PSMA5: variants seen among roughly 807,000 people sequenced by gnomAD.
PSMA5 encodes proteasome 20S subunit alpha 5, also known as proteasome subunit alpha type-5.
PSMA5 carries 3 observed loss-of-function variants against 34.5 expected under a neutral mutation model. The observed-to-expected ratio is 0.09, with a 90% confidence interval of 0.04 to 0.22. PSMA5 has a LOEUF of 0.22. PSMA5 is among the 10% of genes least tolerant of loss of function. The pLI is 1.00. For synonymous variants in PSMA5, 88 were observed against 95.8 expected (o/e 0.92, Z 0.47); for missense variants, 120 against 286.1 (o/e 0.42, Z 4.19).
intron 5 of PSMA5, 30 bp from the exon 6 acceptor site, chr1:109,411,965 T>C: frequency 6.3e-7 from 1 of 1,597,616 alleles, no homozygotes; most frequent in Non-Finnish European, 8.6e-7. Context: ...GATATTAAGA[T>C]AAATGGCTAT....
intron 5 of PSMA5, 41 bp downstream of exon 5, chr1:109,412,036 C>T: frequency 6.3e-7 from 1 of 1,594,582 alleles, no homozygotes; most frequent in Non-Finnish European, 8.6e-7. Flanking sequence ...TCCTAAGTCC[C>T]ATAGAACAAT....
At chr1:109,404,569 G>A (rs1005841985) in intron 8 of PSMA5, among the ~76,000 whole-genome samples, 3 of 152,070 alleles carry the variant, frequency 2.0e-5, no homozygotes, top group South Asian at 2.1e-4. Context: ...TAATAATAGC[G>A]TCTGAGCCAA....
chr1:109,403,121 T>C (rs1221819530), intron 8 of PSMA5, among the ~76,000 whole-genome samples: 1 of 152,192 alleles, frequency 6.6e-6, no homozygotes, highest in Non-Finnish European at 1.5e-5. Flanking sequence ...TATATTTACA[T>C]TTAAAAGCAA....
intron 6 of PSMA5, 54 bp downstream of exon 6, chr1:109,411,823 A>G (rs915733589): frequency 8.0e-5 from 122 of 1,529,434 alleles, no homozygotes; most frequent in Non-Finnish European, 9.9e-5. Flanking sequence ...CTCCACCCCA[A>G]ATTAAAATAA....
chr1:109,420,287 A>T (rs1654388354), intron 2 of PSMA5, among the ~76,000 whole-genome samples: 1 of 152,142 alleles, frequency 6.6e-6, no homozygotes, highest in Non-Finnish European at 1.5e-5. Flanking sequence ...ACCTCAGAAG[A>T]CAATTGTGTG....
At chr1:109,409,677 G>A (rs116359215) in intron 8 of PSMA5, among the ~76,000 whole-genome samples, 135 of 152,268 alleles carry the variant, frequency 8.9e-4, no homozygotes, top group African/African-American at 3.1e-3. Flanking sequence ...TACTCAGTAG[G>A]CTGAGGCAGG....
At chr1:109,412,820 A>G (rs1259187358) in intron 4 of PSMA5, 3 of 396,512 alleles carry the variant, frequency 7.6e-6, no homozygotes, top group African/African-American at 2.1e-5. Flanking sequence ...TGCTTTATAT[A>G]TAGGCAAAGC....
intron 8 of PSMA5, among the ~76,000 whole-genome samples, chr1:109,404,698 C>CAA (rs1440706491): frequency 6.6e-6 from 1 of 152,114 alleles, no homozygotes; most frequent in African/African-American, 2.4e-5. Context: ...ATCTCACTTT[C>CAA]AAAAAACATC....
chr1:109,417,391 G>C (rs944542051), intron 2 of PSMA5, among the ~76,000 whole-genome samples: 72 of 152,152 alleles, frequency 4.7e-4, no homozygotes, highest in African/African-American at 1.7e-3. Context: ...AAAAGGAAAT[G>C]GTGGCAACAA....
intron 2 of PSMA5, among the ~76,000 whole-genome samples, chr1:109,415,884 A>G (rs1464860381): frequency 1.3e-5 from 2 of 152,134 alleles, no homozygotes; most frequent in Non-Finnish European, 2.9e-5. Context: ...AAAAAGTAAT[A>G]AAGGAAGGTA....
chr1:109,417,035 G>A (rs1654235487), intron 2 of PSMA5, among the ~76,000 whole-genome samples: 1 of 152,172 alleles, frequency 6.6e-6, no homozygotes, highest in Admixed American at 6.5e-5. Context: ...AGCCCGGGAG[G>A]CAGAGGTTGT....
intron 2 of PSMA5, among the ~76,000 whole-genome samples, chr1:109,416,932 C>G (rs1192373925): frequency 6.6e-6 from 1 of 152,108 alleles, no homozygotes; most frequent in Non-Finnish European, 1.5e-5. Context: ...TGGTGAAACC[C>G]TGTTTCTATA....
chr1:109,422,309 A>G (rs1654474933), intron 1 of PSMA5, among the ~76,000 whole-genome samples: 1 of 152,110 alleles, frequency 6.6e-6, no homozygotes, highest in Non-Finnish European at 1.5e-5. Context: ...TCCTCTTCCC[A>G]TAACATGCAT....
chr1:109,420,935 C>CT (rs1654412532), intron 2 of PSMA5, among the ~76,000 whole-genome samples: 1 of 150,464 alleles, frequency 6.6e-6, no homozygotes. Flanking sequence ...AATCCCAACA[C>CT]TTTGAGAGGC....
chr1:109,409,940 T>G lies in PSMA5; in HGVS notation c.636A>C (p.Ala212=). ...AAACAGAAAGTACCTCAATGTTTGT[T>G]GCATTCAGCTTCTCCTCCATTACTT... The part of the protein sequence containing the change: ...LKQVMEEKLN[A]TNIELATVQP... Residue 212 remains alanine, a synonymous_variant, in exon 8 of 9, where the codon GCA becomes GCC. Transcript: ENST00000271308. 6.2e-7 allele frequency: 1 copy of G among 1,602,250 alleles called. No homozygotes were observed. Among genetic ancestry groups the G allele is most frequent in the East Asian group, 2.2e-5 (1 of 44,812 alleles).
intron 4 of PSMA5, 150 bp downstream of exon 4, chr1:109,412,918 G>C (rs1654056048): frequency 1.6e-6 from 1 of 627,496 alleles, no homozygotes; most frequent in African/African-American, 1.9e-5. Flanking sequence ...CAAGCCCCAG[G>C]AAGTTCTAAC....
rs996400941 is a variant in PSMA5, at chr1:109,409,793, A to G, written c.648+135T>C. Reference sequence around the variant, plus strand: ...AACCAGGCATGGTGTGTGCACCTGTAGTCCCAGCTACTCGAGAGGCTGGGG... The same window carrying G: ...AACCAGGCATGGTGTGTGCACCTGTGGTCCCAGCTACTCGAGAGGCTGGGG... On this transcript the variant is annotated intron_variant, in intron 8 of 8. Transcript: ENST00000271308. 4.8e-6 allele frequency: 3 copies of G among 620,126 alleles called. No homozygotes were observed. The African/African-American group carries it at 5.6e-5, about 12-fold the overall frequency. 38.4% of individuals were successfully genotyped at this position (620,126 alleles called of 1,614,324 possible).
Position 109,401,890 on chromosome 1 carries a change from C to A in PSMA5, c.*123G>T. 1 of 672,328 alleles carries A rather than the reference C, an allele frequency of 1.5e-6. No individual in the cohort carries two copies. 41.6% of individuals were successfully genotyped at this position (672,328 alleles called of 1,614,324 possible). ...TTTATTTCAGAACTGCCTTTATGTA[C>A]AGACATCATTTAAAAAATGCACATA... On this transcript the variant is annotated 3_prime_UTR_variant, in exon 9 of 9. Transcript: ENST00000271308.
intron 2 of PSMA5, among the ~76,000 whole-genome samples, chr1:109,421,153 C>T (rs1205062443): frequency 1.3e-5 from 2 of 152,086 alleles, no homozygotes; most frequent in Non-Finnish European, 2.9e-5. Flanking sequence ...TGTCACTGTA[C>T]TCCAGCATGG....
Sources: gnomAD v4.1 joint callset for allele counts (sites outside exome capture counted in the v4.1 genomes callset) on GRCh38, gnomAD v4.1.1 for gene constraint, MANE v1.5 for transcripts, NCBI Gene and HGNC (gene_info 2026-07-23, HGNC 2026-07-21) for gene names.